Variants in RBFOX2 observed in about 807,000 individuals in gnomAD.
RBFOX2 encodes RNA binding protein fox-1 homolog 2.
RBFOX2 carries 10 observed loss-of-function variants against 49.1 expected under a neutral mutation model. The ratio of observed to expected loss-of-function variants is 0.20; its 90% CI spans 0.13 to 0.35. The LOEUF is 0.35. RBFOX2 is among the 10% of genes least tolerant of loss of function. The probability of loss-of-function intolerance (pLI) is 1.00; values close to 1 mark genes in which losing one functional copy is unlikely to be tolerated. For synonymous variants in RBFOX2, 183 were observed against 187.4 expected (o/e 0.98, Z 0.19); for missense variants, 323 against 486.9 (o/e 0.66, Z 3.17).
At chr22:35,813,462 T>C (rs930484301) in intron 1 of RBFOX2, among the ~76,000 whole-genome samples, 2 of 152,184 alleles carry the variant, frequency 1.3e-5, no homozygotes, top group Non-Finnish European at 2.9e-5. Context: ...GAAAAGAAAT[T>C]ACTAGCTTTC....
intron 1 of RBFOX2, among the ~76,000 whole-genome samples, chr22:35,898,853 G>A (rs1436264069): frequency 6.6e-6 from 1 of 152,090 alleles, no homozygotes; most frequent in East Asian, 1.9e-4. Context: ...AAGGTTGGGC[G>A]TGGTGGCTCA....
chr22:36,001,652 C>T (rs2058430394), intron 1 of RBFOX2, among the ~76,000 whole-genome samples: 1 of 152,188 alleles, frequency 6.6e-6, no homozygotes, highest in Non-Finnish European at 1.5e-5. Flanking sequence ...GTCCTAGCTA[C>T]TCAGGAGGTC....
At chr22:35,961,824 T>C (rs750951545), upstream of RBFOX2, 7 of 685,208 alleles carry the variant, frequency 1.0e-5, no homozygotes, top group Non-Finnish European at 1.3e-5. Context: ...CAGAGTCCTA[T>C]GACTAAGAAA....
chr22:35,894,171 ACTACATT>A (rs1434586234), intron 1 of RBFOX2, among the ~76,000 whole-genome samples: 1 of 152,182 alleles, frequency 6.6e-6, no homozygotes, highest in Non-Finnish European at 1.5e-5. Context: ...AATAGAAGGT[ACTACATT>A]CCTGGCAAAT....
At chr22:35,906,240 C>T (rs1185871028) in intron 1 of RBFOX2, among the ~76,000 whole-genome samples, 2 of 152,154 alleles carry the variant, frequency 1.3e-5, no homozygotes, top group Non-Finnish European at 2.9e-5. Context: ...AAGTAAAAAA[C>T]ACCCAGTGCC....
At chr22:35,992,367 G>C (rs1162946721) in intron 1 of RBFOX2, 2 of 152,068 alleles carry the variant, frequency 1.3e-5, no homozygotes, top group African/African-American at 4.8e-5. Context: ...TGACAAAGAT[G>C]ACAAGGATAC....
intron 1 of RBFOX2, among the ~76,000 whole-genome samples, chr22:36,019,272 A>C (rs1471285334): frequency 1.3e-5 from 2 of 152,156 alleles, no homozygotes; most frequent in African/African-American, 4.8e-5. Flanking sequence ...TTCCTCTGAC[A>C]AGAGAGACCA....
chr22:35,848,449 A>C (rs2041492696), intron 1 of RBFOX2, among the ~76,000 whole-genome samples: 1 of 152,220 alleles, frequency 6.6e-6, no homozygotes, highest in Non-Finnish European at 1.5e-5. Flanking sequence ...AGTTAAAGAG[A>C]AACATAATCA....
intron 1 of RBFOX2, among the ~76,000 whole-genome samples, chr22:35,924,913 C>T (rs1307989571): frequency 2.0e-5 from 3 of 152,290 alleles, no homozygotes; most frequent in East Asian, 3.9e-4. Flanking sequence ...GTGGCTCACG[C>T]CTGTAATCCC....
chr22:35,820,032 C>T (rs765620985), intron 1 of RBFOX2, among the ~76,000 whole-genome samples: 3 of 152,066 alleles, frequency 2.0e-5, no homozygotes, highest in Non-Finnish European at 2.9e-5. Flanking sequence ...AACATGGAGG[C>T]CTTGGAGACC....
At chr22:35,832,109 C>T (rs573508498) in intron 1 of RBFOX2, among the ~76,000 whole-genome samples, 13 of 152,312 alleles carry the variant, frequency 8.5e-5, no homozygotes, top group African/African-American at 2.9e-4. Context: ...CGATGGCTCA[C>T]GCCAGTAATC....
At chr22:35,916,877 T>TA (rs1479328941) in intron 1 of RBFOX2, among the ~76,000 whole-genome samples, 23 of 149,068 alleles carry the variant, frequency 1.5e-4, no homozygotes, top group African/African-American at 5.2e-4. Flanking sequence ...TCTGAAAAAT[T>TA]TAAAAAAAAA....
At chr22:35,981,279 T>C (rs2057445141) in intron 1 of RBFOX2, among the ~76,000 whole-genome samples, 1 of 152,188 alleles carries the variant, frequency 6.6e-6, no homozygotes, top group South Asian at 2.1e-4. Context: ...ATGTAGCCAG[T>C]TCCTTGGATT....
At chr22:35,810,906 ATT>A (rs1951746704) in intron 1 of RBFOX2, among the ~76,000 whole-genome samples, 1 of 152,178 alleles carries the variant, frequency 6.6e-6, no homozygotes, top group African/African-American at 2.4e-5. Flanking sequence ...ATACAAATAT[ATT>A]GTTTTTAATA....
At chr22:35,956,908 C>T (rs2055626895) in intron 1 of RBFOX2, among the ~76,000 whole-genome samples, 1 of 152,182 alleles carries the variant, frequency 6.6e-6, no homozygotes, top group African/African-American at 2.4e-5. Flanking sequence ...TTTACTACTT[C>T]AGCAGGAACA....
chr22:35,758,480 A>C (rs1937577702), intron 9 of RBFOX2, among the ~76,000 whole-genome samples: 2 of 152,202 alleles, frequency 1.3e-5, no homozygotes, highest in African/African-American at 2.4e-5. Flanking sequence ...CAATTTTCCT[A>C]GTGTGTAAAA....
At chr22:35,897,633 ATC>A (rs1569470326) in intron 1 of RBFOX2, 16 of 1,384,964 alleles carry the variant, frequency 1.2e-5, no homozygotes, top group Non-Finnish European at 1.6e-5. Context: ...TCCCATTGGC[ATC>A]AGGATCCTTA....
At chr22:35,774,886 C>G (rs1943518701) in intron 4 of RBFOX2, among the ~76,000 whole-genome samples, 2 of 151,912 alleles carry the variant, frequency 1.3e-5, no homozygotes, top group South Asian at 2.1e-4. Context: ...TTGATTAAAC[C>G]CTGTTTTACA....
chr22:35,931,497 C>T (rs568739579), intron 1 of RBFOX2, among the ~76,000 whole-genome samples: 79 of 151,990 alleles, frequency 5.2e-4, no homozygotes, highest in Admixed American at 2.0e-3. Flanking sequence ...TCTTGTGTCC[C>T]GGCATGGAAG....
Sources: allele counts gnomAD v4.1 joint callset (sites outside exome capture counted in the v4.1 genomes callset), GRCh38; gene constraint gnomAD v4.1.1; transcripts MANE v1.5; gene names NCBI Gene and HGNC (gene_info 2026-07-23, HGNC 2026-07-21).